MAP3K12: variants seen among roughly 807,000 people sequenced by gnomAD.
The protein encoded by MAP3K12 is MAPK-upstream kinase.
Under a neutral mutation model 87.5 loss-of-function variants are expected in MAP3K12, and 14 were observed. The ratio of observed to expected loss-of-function variants is 0.16; its 90% CI spans 0.11 to 0.25. The LOEUF is 0.25. MAP3K12 is among the 10% of genes least tolerant of loss of function. MAP3K12 has a pLI of 1.00. For missense variants in MAP3K12, 802 were observed against 1,140.4 expected (o/e 0.70, Z 4.27); for synonymous variants, 469 against 452.5 (o/e 1.04, Z -0.46).
intron 4 of MAP3K12, 83 bp from the exon 5 acceptor site, chr12:53,485,558 T>G (rs1943205567): frequency 2.0e-6 from 3 of 1,489,882 alleles, no homozygotes; most frequent in Non-Finnish European, 2.7e-6. Flanking sequence ...TTTCAGGTTT[T>G]TTTGTTTGTT....
In MAP3K12 at chr12:53,480,985, CTCAT is replaced by C. The variant is rs1943012369; in HGVS notation, c.*193_*196del. The stretch of plus-strand genomic sequence containing the variant: ...CTTAGCCACAGCTCTACGGCTGTGC[CTCAT>C]TCATTTCCACAGCTGCCAGTGTCCC... On this transcript the variant is annotated 3_prime_UTR_variant, in exon 14 of 14. Transcript: ENST00000547488. 5.2e-6 allele frequency: 1 copy of C among 191,272 alleles called. No individual in the cohort carries two copies. The highest frequency in any genetic ancestry group is 2.4e-5 in the African/African-American group (1 of 42,290). 11.8% of individuals were successfully genotyped at this position (191,272 alleles called of 1,614,324 possible). A position where few individuals can be genotyped will look rare whatever the true frequency, so the allele number is the denominator to read the frequency against.
At chr12:53,492,782 C>G (rs947124475) in intron 1 of MAP3K12, among the ~76,000 whole-genome samples, 1 of 151,956 alleles carries the variant, frequency 6.6e-6, no homozygotes. Flanking sequence ...CCCACTCCGC[C>G]GCAACCCCGG....
chr12:53,491,287 CAA>C (rs780256956), intron 1 of MAP3K12, among the ~76,000 whole-genome samples: 1 of 52,864 alleles, frequency 1.9e-5, no homozygotes, highest in Non-Finnish European at 3.5e-5. Flanking sequence ...GACTCTGTCT[CAA>C]AAAAAAAAAA....
At chr12:53,481,658 T>G (rs1180048557) in intron 13 of MAP3K12, 1 of 405,128 alleles carries the variant, frequency 2.5e-6, no homozygotes, top group Non-Finnish European at 4.5e-6. Flanking sequence ...AGCTTACTGG[T>G]TTTATTCCTT....
chr12:53,495,339 C>CAAAAA (rs10647631), intron 1 of MAP3K12, among the ~76,000 whole-genome samples: 1,743 of 19,386 alleles, frequency 0.09, 525 homozygotes, highest in East Asian at 0.39. Context: ...ACTCTGTCTC[C>CAAAAA]AAAAAAAAAA....
intron 7 of MAP3K12, 26 bp from the exon 8 acceptor site, chr12:53,484,046 TGA>T (rs1414789514): frequency 1.6e-5 from 26 of 1,600,834 alleles, no homozygotes; most frequent in Non-Finnish European, 2.2e-5. Context: ...AGATGAAGAG[TGA>T]GAGCCATCCC....
rs775348991 is a variant in MAP3K12 at position 53,486,287 on chromosome 12, A to G, written c.630-40T>C. On this transcript the variant is annotated intron_variant, in intron 3 of 13. Coordinates refer to ENST00000547488, the MANE Select transcript of MAP3K12 (RefSeq NM_001193511.2). This position sits in a 1 kb window ranked among gnomAD's most constrained non-coding sequence, Gnocchi z 4.9. ...ATGGTATGAAGGCCTCAGCTGGCTC[A>G]GCATTCACCTGATTCATACCTGGAA... 48 of 1,564,586 alleles carry G rather than the reference A, an allele frequency of 3.1e-5. No homozygotes were observed. The South Asian group carries it at 5.4e-4, about 18-fold the overall frequency.
At chr12:53,487,453 C>A (rs1432456309) in intron 1 of MAP3K12, 25 bp from the exon 2 acceptor site, 17 of 1,546,886 alleles carry the variant, frequency 1.1e-5, no homozygotes, top group Non-Finnish European at 1.3e-5. Context: ...GAAGGAGGGG[C>A]TGGGCTGTTA....
chr12:53,492,007 G>A (rs1214583171), intron 1 of MAP3K12, among the ~76,000 whole-genome samples: 2 of 151,254 alleles, frequency 1.3e-5, no homozygotes, highest in African/African-American at 2.4e-5. Flanking sequence ...CCCAGGAGGT[G>A]GAGGTTGCAG....
chr12:53,488,456 A>G (rs1164091557), intron 1 of MAP3K12, among the ~76,000 whole-genome samples: 4 of 151,964 alleles, frequency 2.6e-5, no homozygotes, highest in Admixed American at 2.0e-4. Context: ...GAGGTCAGGA[A>G]TTCGAGACCA....
rs146607300 is a variant in MAP3K12 at position 53,481,108 on chromosome 12, CATAT to C, written c.*70_*73del. 5.3e-4 allele frequency: 305 copies of C among 578,578 alleles called. No homozygotes were observed. The highest frequency in any genetic ancestry group is 1.4e-3 in the Middle Eastern group (2 of 1,440). The allele number at this position is 578,578 out of a possible 1,614,324, so 35.8% of individuals were successfully genotyped here. On this transcript the variant is annotated 3_prime_UTR_variant, in exon 14 of 14. Transcript: ENST00000547488. Reference sequence around the variant, plus strand: ...CCATCTTTCTGTTGATTATGTGGCGCATATATATATATATATGTATATATATATA... The same window carrying C: ...CCATCTTTCTGTTGATTATGTGGCGCATATATATATATGTATATATATATA...
At position 53,486,751 on chromosome 12, in the gene MAP3K12, G is replaced by A. The variant is rs1943237688; in HGVS notation, c.446-129C>T. On this transcript the variant is annotated intron_variant, in intron 2 of 13. Coordinates refer to ENST00000547488, the MANE Select transcript of MAP3K12 (RefSeq NM_001193511.2). This position sits in a 1 kb window ranked among gnomAD's most constrained non-coding sequence, Gnocchi z 4.9. ...CAGAAAGCCAAAAATAGGCCAAGAA[G>A]AAGGTTCGAGGGGACAGGGAAGGAA... is the stretch of plus-strand genomic sequence containing the variant. 6.9e-7 allele frequency: 1 copy of A among 1,454,358 alleles called. No homozygotes were observed. Among genetic ancestry groups the A allele is most frequent in the African/African-American group, 1.4e-5 (1 of 70,174 alleles). 90.1% of individuals were successfully genotyped at this position (1,454,358 alleles called of 1,614,324 possible).
chr12:53,482,176 G>GAT lies in MAP3K12; in HGVS notation c.2343_2344dup (p.Ser782TyrfsTer161). 1 of 1,614,254 alleles carries GAT rather than the reference G, an allele frequency of 6.2e-7. No individual in the cohort carries two copies. ...TGATGGATTCTCTGAGCTGAAGGTA[G>GAT]ATAGTGACTGGCGCATGTTCAGGCT... On this transcript the variant is annotated frameshift_variant, in exon 13 of 14. Coordinates refer to ENST00000547488, the MANE Select transcript of MAP3K12 (RefSeq NM_001193511.2). LOFTEE classifies it high-confidence loss of function.
In MAP3K12 at chr12:53,484,760, A is replaced by G. The variant is rs1332557738; in HGVS notation, c.1139+296T>C. 5 of 487,576 alleles carry G rather than the reference A, an allele frequency of 1.0e-5. No homozygotes were observed. The East Asian group carries it at 2.0e-4, about 19-fold the overall frequency. The allele number at this position is 487,576 out of a possible 1,614,324, so 30.2% of individuals were successfully genotyped here. Reference sequence around the variant, plus strand: ...AGGTTGTTTACTTGAGGCTCAACCAACCATGCTTGGTGGTTATGCTGCTCC... The same window carrying G: ...AGGTTGTTTACTTGAGGCTCAACCAGCCATGCTTGGTGGTTATGCTGCTCC... On this transcript the variant is annotated intron_variant, in intron 6 of 13. Coordinates refer to ENST00000547488, the MANE Select transcript of MAP3K12 (RefSeq NM_001193511.2).
chr12:53,492,714 C>T (rs928887614), intron 1 of MAP3K12, among the ~76,000 whole-genome samples: 24 of 152,152 alleles, frequency 1.6e-4, no homozygotes, highest in African/African-American at 5.5e-4. Flanking sequence ...AGAATTTCGT[C>T]TGGAGGACCC....
At chr12:53,498,974 GT>G (rs1943609658) in intron 1 of MAP3K12, among the ~76,000 whole-genome samples, 1 of 33,448 alleles carries the variant, frequency 3.0e-5, no homozygotes, top group African/African-American at 9.8e-5. Context: ...GTGTGTGTGT[GT>G]GTGTGTGTGT....
At chr12:53,495,874 C>G (rs1441765799) in intron 1 of MAP3K12, among the ~76,000 whole-genome samples, 2 of 152,280 alleles carry the variant, frequency 1.3e-5, no homozygotes, top group Non-Finnish European at 2.9e-5. Flanking sequence ...CCTGAGACCC[C>G]TAGCTGCCAC....
rs537726504 is a variant in MAP3K12, at chr12:53,487,053, C to T, written c.339G>A (p.Gln113=). Reference sequence around the variant, plus strand: ...CAAGGAAGCCACTGCCACTCTGGCACTGCAGTCGCACCTCGTCAGCTCGAA... The same window carrying T: ...CAAGGAAGCCACTGCCACTCTGGCATTGCAGTCGCACCTCGTCAGCTCGAA... ...SRVRADEVRL[Q]CQSGSGFLEG... is the part of the protein sequence containing the mutation. The change falls in exon 2 of 14, where the codon CAG becomes CAA. Residue 113 remains glutamine, a synonymous_variant. Transcript: ENST00000547488. 40 of 1,614,136 alleles carry T rather than the reference C, an allele frequency of 2.5e-5. No homozygotes were observed. The Middle Eastern group carries it at 8.2e-4, about 33-fold the overall frequency.
chr12:53,487,116 C>G lies in MAP3K12; in HGVS notation c.276G>C (p.Gly92=). 1 of 1,614,038 alleles carries G rather than the reference C, an allele frequency of 6.2e-7. No individual in the cohort carries two copies. The change falls in exon 2 of 14, where the codon GGG becomes GGC. Residue 92 remains glycine, a synonymous_variant. Transcript: ENST00000547488. ...QLHEQDAGGP[G]GAAGSPESRA... is the part of the protein sequence containing the mutation. ...GACTCTCAGGTGACCCAGCTGCTCCCCCTGGGCCCCCTGCATCCTGCTCAT... is the reference window on the plus strand; with the variant it reads ...GACTCTCAGGTGACCCAGCTGCTCCGCCTGGGCCCCCTGCATCCTGCTCAT...
Sources: allele counts gnomAD v4.1 joint callset (sites outside exome capture counted in the v4.1 genomes callset), GRCh38; gene constraint gnomAD v4.1.1; non-coding constraint Gnocchi (gnomAD v3.1); transcripts MANE v1.5; gene names NCBI Gene and HGNC (gene_info 2026-07-23, HGNC 2026-07-21).